The following GRK5 variants were observed in gnomAD, a reference collection of about 807,000 sequenced individuals.
The protein encoded by GRK5 is g protein-coupled receptor kinase GRK5.
A neutral mutation model predicts 78.4 loss-of-function variants in GRK5; 40 were observed. That is an observed-to-expected ratio of 0.51 (90% CI 0.40 to 0.66). The LOEUF (loss-of-function observed/expected upper bound fraction) is 0.66. Ranked by LOEUF, GRK5 falls within the 30% of genes least tolerant of loss-of-function variation. The probability of loss-of-function intolerance (pLI) is 0.00; values close to 1 mark genes in which losing one functional copy is unlikely to be tolerated. For missense variants in GRK5, 598 were observed against 759.9 expected (o/e 0.79, Z 2.50); for synonymous variants, 289 against 296.8 (o/e 0.97, Z 0.27).
At chr10:119,237,000 A>G (rs1007492063) in intron 1 of GRK5, among the ~76,000 whole-genome samples, 3 of 145,218 alleles carry the variant, frequency 2.1e-5, no homozygotes, top group Non-Finnish European at 4.5e-5. Context: ...CCCTTTACTC[A>G]TTTATATCAC....
intron 2 of GRK5, among the ~76,000 whole-genome samples, chr10:119,329,738 A>G (rs998548179): frequency 6.6e-6 from 1 of 152,022 alleles, no homozygotes. Flanking sequence ...CTCAAAAAAC[A>G]AAAACAAAAA....
chr10:119,280,064 A>G (rs1849736243), intron 1 of GRK5, among the ~76,000 whole-genome samples: 1 of 152,086 alleles, frequency 6.6e-6, no homozygotes, highest in African/African-American at 2.4e-5. Context: ...GAACTGTGGT[A>G]TTGGGGCTAT....
intron 2 of GRK5, among the ~76,000 whole-genome samples, chr10:119,353,932 C>CTTTT (rs761463283): frequency 1.3e-3 from 144 of 108,626 alleles, no homozygotes; most frequent in East Asian, 2.1e-3. Context: ...TTTTTTCTTT[C>CTTTT]TTTTTTTTTT....
intron 2 of GRK5, among the ~76,000 whole-genome samples, chr10:119,360,173 T>G (rs939399333): frequency 6.6e-6 from 1 of 151,868 alleles, no homozygotes; most frequent in African/African-American, 2.4e-5. Flanking sequence ...TGAGGGAGGC[T>G]GAGGCTGAAG....
intron 5 of GRK5, among the ~76,000 whole-genome samples, chr10:119,423,866 A>G (rs1400746065): frequency 1.3e-5 from 2 of 152,150 alleles, no homozygotes; most frequent in African/African-American, 4.8e-5. Flanking sequence ...GTTACCCCAC[A>G]TAGTTGGATG....
chr10:119,207,811 C>A lies in GRK5; in HGVS notation c.-107C>A. 1 of 1,100,476 alleles carries A rather than the reference C, an allele frequency of 9.1e-7. No individual in the cohort carries two copies. The highest frequency in any genetic ancestry group is 1.3e-6 in the Non-Finnish European group (1 of 777,574). The allele number at this position is 1,100,476 out of a possible 1,614,324, so 68.2% of individuals were successfully genotyped here. A position where few individuals can be genotyped will look rare whatever the true frequency, so the allele number is the denominator to read the frequency against. On this transcript the variant is annotated 5_prime_UTR_variant, in exon 1 of 16. Transcript: ENST00000392870. Reference sequence around the variant, plus strand: ...AGGCAAGGCGGGCTGCTGGCTCCCCCGGCTCCGGCAGCAGCGGCGGCAGCC... The same window carrying A: ...AGGCAAGGCGGGCTGCTGGCTCCCCAGGCTCCGGCAGCAGCGGCGGCAGCC...
At chr10:119,427,257 C>G (rs1453765580) in intron 6 of GRK5, among the ~76,000 whole-genome samples, 2 of 21,824 alleles carry the variant, frequency 9.2e-5, no homozygotes, top group Non-Finnish European at 1.8e-4. Flanking sequence ...GCATCATCAC[C>G]ATCATCAGCA....
At chr10:119,433,839 G>A (rs1442558488) in intron 8 of GRK5, among the ~76,000 whole-genome samples, 1 of 152,206 alleles carries the variant, frequency 6.6e-6, no homozygotes. Context: ...CTCTCTTGGT[G>A]GCCCTTTGCC....
intron 1 of GRK5, among the ~76,000 whole-genome samples, chr10:119,282,698 C>T (rs1048075338): frequency 6.6e-6 from 1 of 152,220 alleles, no homozygotes; most frequent in Non-Finnish European, 1.5e-5. Flanking sequence ...TGGTGGTCAG[C>T]AGCTGGGCAC....
Position 119,431,640 on chromosome 10 carries a change from G to T in GRK5, c.738+113G>T, listed in dbSNP as rs1301746686. The T allele has an allele frequency of 7.1e-6, 9 of 1,269,670 alleles. No individual in the cohort carries two copies. In the Admixed American group the frequency reaches 7.4e-5, roughly 10 times the overall value. 78.7% of individuals were successfully genotyped at this position (1,269,670 alleles called of 1,614,324 possible). A position where few individuals can be genotyped will look rare whatever the true frequency, so the allele number is the denominator to read the frequency against. On this transcript the variant is annotated intron_variant, in intron 8 of 15. Transcript: ENST00000392870. The surrounding 1 kb of genome is among the most constrained non-coding windows in gnomAD (Gnocchi z 4.8). Reference sequence around the variant, plus strand: ...GGCCGGTCCCCACCCCTGGGAAGGGGAATGCCAGTGGCAGCGCTGAGCTAC... The same window carrying T: ...GGCCGGTCCCCACCCCTGGGAAGGGTAATGCCAGTGGCAGCGCTGAGCTAC...
chr10:119,385,252 G>GTTTTATTTTA (rs138077941), intron 3 of GRK5, among the ~76,000 whole-genome samples: 30 of 151,350 alleles, frequency 2.0e-4, no homozygotes, highest in African/African-American at 7.1e-4. Context: ...CTGACTTGGG[G>GTTTTATTTTA]TTTTATTTTA....
intron 3 of GRK5, among the ~76,000 whole-genome samples, chr10:119,381,379 G>A (rs886722384): frequency 6.6e-6 from 1 of 152,242 alleles, no homozygotes; most frequent in African/African-American, 2.4e-5. Flanking sequence ...AGGACCCTGG[G>A]CTTCCTGTTC....
At chr10:119,224,408 A>G (rs897955106) in intron 1 of GRK5, among the ~76,000 whole-genome samples, 8 of 151,494 alleles carry the variant, frequency 5.3e-5, no homozygotes, top group East Asian at 3.9e-4. Flanking sequence ...TTATTTATTT[A>G]TTTATTTATT....
At chr10:119,236,154 T>A (rs1390701096) in intron 1 of GRK5, among the ~76,000 whole-genome samples, 1 of 152,162 alleles carries the variant, frequency 6.6e-6, no homozygotes, top group Non-Finnish European at 1.5e-5. Flanking sequence ...GGCAGGCTGA[T>A]CACCTGAGGT....
intron 3 of GRK5, among the ~76,000 whole-genome samples, chr10:119,382,746 G>T (rs1039740829): frequency 1.3e-5 from 2 of 152,120 alleles, no homozygotes; most frequent in Non-Finnish European, 2.9e-5. Flanking sequence ...TGTTTGAACT[G>T]GTCTGGCTAA....
At chr10:119,420,388 G>A (rs1202719849) in intron 4 of GRK5, among the ~76,000 whole-genome samples, 1 of 149,352 alleles carries the variant, frequency 6.7e-6, no homozygotes, top group African/African-American at 2.4e-5. Context: ...AGGTTTGAAA[G>A]CCATTGAATT....
chr10:119,297,429 G>C (rs1301793613), intron 1 of GRK5, among the ~76,000 whole-genome samples: 1 of 152,212 alleles, frequency 6.6e-6, no homozygotes, highest in African/African-American at 2.4e-5. Context: ...ACAGAGGTCA[G>C]ATGTCTCTCC....
intron 1 of GRK5, among the ~76,000 whole-genome samples, chr10:119,232,544 T>TG (rs1848847761): frequency 1.3e-5 from 2 of 152,306 alleles, no homozygotes; most frequent in African/African-American, 4.8e-5. Context: ...CCACGTGTTG[T>TG]GGGAGGGGCC....
intron 2 of GRK5, among the ~76,000 whole-genome samples, chr10:119,371,487 C>G (rs931981816): frequency 1.3e-5 from 2 of 152,254 alleles, no homozygotes; most frequent in African/African-American, 4.8e-5. Flanking sequence ...ATTCCTGTTT[C>G]TCAGTCCGCT....
Sources: allele counts gnomAD v4.1 joint callset (sites outside exome capture counted in the v4.1 genomes callset), GRCh38; gene constraint gnomAD v4.1.1; non-coding constraint Gnocchi (gnomAD v3.1); transcripts MANE v1.5; gene names NCBI Gene and HGNC (gene_info 2026-07-23, HGNC 2026-07-21).